DDR2: variants seen among roughly 807,000 people sequenced by gnomAD.
DDR2 encodes the protein discoidin domain receptor tyrosine kinase 2, also known as discoidin domain-containing receptor 2.
A neutral mutation model predicts 94.9 loss-of-function variants in DDR2; 27 were observed. The ratio of observed to expected loss-of-function variants is 0.28; its 90% CI spans 0.21 to 0.39. The LOEUF is 0.39. DDR2 is among the 10% of genes least tolerant of loss of function. DDR2 has a pLI of 1.00. For synonymous variants in DDR2, 382 were observed against 377.2 expected, an observed-to-expected ratio of 1.01 and a Z score of -0.15; for missense variants, 783 against 1,076.0, an observed-to-expected ratio of 0.73 and a Z score of 3.81.
chr1:162,774,688 A>T (rs1647428608), intron 14 of DDR2, among the ~76,000 whole-genome samples: 1 of 152,178 alleles, frequency 6.6e-6, no homozygotes, highest in Non-Finnish European at 1.5e-5. Context: ...ATAGGATATG[A>T]CAAAGCCTTT....
intron 3 of DDR2, among the ~76,000 whole-genome samples, chr1:162,730,692 T>A (rs1022887161): frequency 2.6e-5 from 4 of 152,102 alleles, no homozygotes; most frequent in African/African-American, 7.2e-5. Flanking sequence ...GGTCTTCCAG[T>A]GCTTCTTAAA....
chr1:162,731,540 C>T (rs535198868), intron 3 of DDR2, among the ~76,000 whole-genome samples: 22 of 152,174 alleles, frequency 1.4e-4, no homozygotes, highest in Non-Finnish European at 3.1e-4. Context: ...ATAATTAACT[C>T]ATATATTCCT....
intron 14 of DDR2, 26 bp downstream of exon 14, chr1:162,773,622 C>G (rs200343468): frequency 6.2e-7 from 1 of 1,613,348 alleles, no homozygotes; most frequent in South Asian, 1.1e-5. Context: ...TTTGAATTTT[C>G]CTTTAGGTAT....
intron 3 of DDR2, 84 bp from the exon 4 acceptor site, chr1:162,753,011 T>C: frequency 8.6e-7 from 1 of 1,166,598 alleles, no homozygotes. Flanking sequence ...CCTTGTTCAA[T>C]ATTCAGTGAT....
chr1:162,631,302 A>G (rs1656551295), upstream of DDR2: 1 of 150,898 alleles, frequency 6.6e-6, no homozygotes, highest in South Asian at 2.1e-4. Context: ...ATCTCTTTCC[A>G]TCCTCCCTTT....
chr1:162,710,239 T>G (rs1410021771), intron 2 of DDR2, among the ~76,000 whole-genome samples: 1 of 152,202 alleles, frequency 6.6e-6, no homozygotes, highest in Non-Finnish European at 1.5e-5. Context: ...CAAAGTAGTC[T>G]TATAACAAAG....
chr1:162,780,468 C>T lies in DDR2; in HGVS notation c.*222C>T, dbSNP rs1647844472. On this transcript the variant is annotated 3_prime_UTR_variant, in exon 18 of 18. Transcript: ENST00000367921. Reference sequence around the variant, plus strand: ...GAACTAAAAAAGGAAAAAAAAAAGCCTAGGGCAGATACAATCTAGTAAAAG... The same window carrying T: ...GAACTAAAAAAGGAAAAAAAAAAGCTTAGGGCAGATACAATCTAGTAAAAG... The T allele has an allele frequency of 3.4e-6, 2 of 582,338 alleles. No homozygotes were observed. Among genetic ancestry groups the T allele is most frequent in the African/African-American group, 1.9e-5 (1 of 53,126 alleles). 36.1% of individuals were successfully genotyped at this position (582,338 alleles called of 1,614,324 possible).
chr1:162,679,443 GC>G (rs1659292800), intron 2 of DDR2, among the ~76,000 whole-genome samples: 1 of 152,122 alleles, frequency 6.6e-6, no homozygotes, highest in Non-Finnish European at 1.5e-5. Flanking sequence ...ACAGTATGGA[GC>G]CTCCAGCTCC....
chr1:162,662,087 C>T (rs771536066), intron 2 of DDR2, among the ~76,000 whole-genome samples: 2 of 152,130 alleles, frequency 1.3e-5, no homozygotes, highest in Non-Finnish European at 2.9e-5. Flanking sequence ...CTGGAATTCC[C>T]TAAGATGCAG....
intron 1 of DDR2, among the ~76,000 whole-genome samples, chr1:162,643,751 G>A (rs1206742721): frequency 6.6e-6 from 1 of 152,192 alleles, no homozygotes; most frequent in Admixed American, 6.5e-5. Flanking sequence ...AAAGTGCTGG[G>A]ATTACAGGTG....
Position 162,767,247 on chromosome 1 carries a change from A to C in DDR2, c.1181A>C (p.Asp394Ala). The C allele has an allele frequency of 6.2e-7, 1 of 1,614,028 alleles. No individual in the cohort carries two copies. Among genetic ancestry groups the C allele is most frequent in the Non-Finnish European group, 8.5e-7 (1 of 1,179,984 alleles). Residue 394 changes from aspartate to alanine, a missense_variant, in exon 11 of 18, where the codon GAT becomes GCT. Around this residue, in one of 2 missense-constraint regions of DDR2, gnomAD observed 519 missense variants for 647.9 expected, o/e 0.80. Transcript: ENST00000367921. ...GTCACAGATCCAATGCTTAAAGTTG[A>C]TGACAGCAACACTCGGATCCTGATT... The part of the protein sequence containing the change: ...PTTYDPMLKV[D>A]DSNTRILIGC...
rs560521205 is a variant in DDR2, at chr1:162,758,561, C to T, written c.672-1235C>T. Among the ~76,000 whole-genome samples, 8 of 152,222 alleles carry T rather than the reference C, an allele frequency of 5.3e-5. No individual in the cohort carries two copies. In the East Asian group the frequency reaches 5.8e-4, roughly 11 times the overall value. On this transcript the variant is annotated intron_variant, in intron 7 of 17. Coordinates refer to ENST00000367921, the MANE Select transcript of DDR2 (RefSeq NM_006182.4). ...AATATATTTATTGCAAGTAAACTTA[C>T]GTTCTCCTAGCTTTCTGATCTGTAG...
intron 3 of DDR2, among the ~76,000 whole-genome samples, chr1:162,722,668 T>G (rs1212279850): frequency 6.6e-6 from 1 of 152,228 alleles, no homozygotes; most frequent in African/African-American, 2.4e-5. Context: ...TTAGCTTAAC[T>G]TTTGAGTAAC....
At chr1:162,700,751 A>G (rs4477251) in intron 2 of DDR2, among the ~76,000 whole-genome samples, 97,667 of 152,086 alleles carry the variant, frequency 0.64, 33,262 homozygotes, top group Middle Eastern at 0.8. Flanking sequence ...TGGAAGAGGT[A>G]TTACTGAGAA....
At chr1:162,710,455 C>G (rs1660848949) in intron 2 of DDR2, among the ~76,000 whole-genome samples, 1 of 152,168 alleles carries the variant, frequency 6.6e-6, no homozygotes, top group Non-Finnish European at 1.5e-5. Context: ...GGAATAGAAA[C>G]AGAACATGAG....
At chr1:162,653,639 G>A (rs1657813005) in intron 1 of DDR2, among the ~76,000 whole-genome samples, 1 of 152,110 alleles carries the variant, frequency 6.6e-6, no homozygotes, top group South Asian at 2.1e-4. Flanking sequence ...CCCTGATGCT[G>A]ATGTGATGCT....
At chr1:162,741,504 AG>A (rs1240778521) in intron 3 of DDR2, 1 of 779,790 alleles carries the variant, frequency 1.3e-6, no homozygotes, top group African/African-American at 1.9e-5. Flanking sequence ...CCAACTACAT[AG>A]GGTTATTGCA....
intron 2 of DDR2, among the ~76,000 whole-genome samples, chr1:162,683,140 A>G (rs1398382610): frequency 6.6e-6 from 1 of 152,222 alleles, no homozygotes. Flanking sequence ...ACAAAATTCA[A>G]TATTCATTCA....
At position 162,785,159 on chromosome 1, in the gene DDR2, A is replaced by G. The variant is rs557825271; in HGVS notation, c.*4913A>G. 86 of 152,332 alleles carry G rather than the reference A, an allele frequency of 5.6e-4. 1 individual carries two copies. Among genetic ancestry groups the G allele is most frequent in the African/African-American group, 1.9e-3 (80 of 41,578 alleles). 9.4% of individuals were successfully genotyped at this position (152,332 alleles called of 1,614,324 possible). A position where few individuals can be genotyped will look rare whatever the true frequency, so the allele number is the denominator to read the frequency against. On this transcript the variant is annotated 3_prime_UTR_variant, in exon 18 of 18. Coordinates refer to ENST00000367921, the MANE Select transcript of DDR2 (RefSeq NM_006182.4). Reference sequence around the variant, plus strand: ...AAGATTAGGCAACACAAAACACAGTAAGACCTGTTCATAGCTTGTTGTCTA... The same window carrying G: ...AAGATTAGGCAACACAAAACACAGTGAGACCTGTTCATAGCTTGTTGTCTA...
Sources: gnomAD v4.1 joint callset for allele counts (sites outside exome capture counted in the v4.1 genomes callset) on GRCh38, gnomAD v4.1.1 for gene constraint, gnomAD v4.1.1 regional missense constraint, MANE v1.5 for transcripts, NCBI Gene and HGNC (gene_info 2026-07-23, HGNC 2026-07-21) for gene names.